TRPM3: variants seen among roughly 807,000 people sequenced by gnomAD.
TRPM3 encodes the protein long transient receptor potential channel 3.
A neutral mutation model predicts 181.2 loss-of-function variants in TRPM3; 77 were observed. That is an observed-to-expected ratio of 0.42 (90% CI 0.35 to 0.51). The LOEUF (loss-of-function observed/expected upper bound fraction) is 0.51. Among genes scored for constraint, TRPM3 ranks in the 20% least tolerant of loss-of-function variants. TRPM3 has a pLI of 0.01. For synonymous variants in TRPM3, 745 were observed against 796.4 expected (o/e 0.94, Z 1.09); for missense variants, 1,759 against 2,196.7 (o/e 0.80, Z 3.98).
At chr9:71,440,358 A>G (rs2094119550) in intron 1 of TRPM3, among the ~76,000 whole-genome samples, 1 of 152,108 alleles carries the variant, frequency 6.6e-6, no homozygotes, top group African/African-American at 2.4e-5. Flanking sequence ...ACTTGCTGTC[A>G]TTGTTGTTAT....
chr9:70,761,330 A>G, intron 8 of TRPM3: 1 of 623,960 alleles, frequency 1.6e-6, no homozygotes, highest in Non-Finnish European at 2.9e-6. Context: ...TATCACTTCA[A>G]CTCATTTTGT....
At chr9:71,295,574 A>G (rs2086194176) in intron 1 of TRPM3, among the ~76,000 whole-genome samples, 1 of 147,700 alleles carries the variant, frequency 6.8e-6, no homozygotes, top group Non-Finnish European at 1.5e-5. Flanking sequence ...TAACAAATGT[A>G]ATCTCAGCAC....
intron 6 of TRPM3, chr9:70,825,202 A>G (rs897265537): frequency 2.0e-5 from 3 of 152,170 alleles, no homozygotes; most frequent in Non-Finnish European, 4.4e-5. Context: ...TGGTCACCCT[A>G]CCACTATTAA....
At chr9:71,079,804 T>C (rs939334211) in intron 1 of TRPM3, among the ~76,000 whole-genome samples, 1 of 152,112 alleles carries the variant, frequency 6.6e-6, no homozygotes, top group African/African-American at 2.4e-5. Flanking sequence ...TATCCTGAAA[T>C]GGACTTTCCG....
chr9:71,046,374 G>T (rs1017768508), intron 1 of TRPM3, among the ~76,000 whole-genome samples: 1 of 152,050 alleles, frequency 6.6e-6, no homozygotes, highest in Non-Finnish European at 1.5e-5. Context: ...GGGAAACATC[G>T]CATGAATAAC....
At chr9:71,076,190 C>T (rs1222411814) in intron 1 of TRPM3, among the ~76,000 whole-genome samples, 1 of 152,150 alleles carries the variant, frequency 6.6e-6, no homozygotes, top group Admixed American at 6.5e-5. Context: ...GGAAATTTTG[C>T]AAGACGGCTG....
At chr9:71,380,516 C>A (rs1331824094) in intron 1 of TRPM3, among the ~76,000 whole-genome samples, 1 of 151,934 alleles carries the variant, frequency 6.6e-6, no homozygotes, top group African/African-American at 2.4e-5. Context: ...GAATCAGTAA[C>A]CAACTCAAGC....
chr9:70,927,503 T>C (rs1564781122), intron 1 of TRPM3, among the ~76,000 whole-genome samples: 1 of 152,222 alleles, frequency 6.6e-6, no homozygotes, highest in African/African-American at 2.4e-5. Context: ...ATTTTATAAA[T>C]TAGAAAAGCA....
In TRPM3 at chr9:70,529,177, C is replaced by T. The variant is rs1295202113; in HGVS notation, c.*6776G>A. 1 of 152,032 alleles carries T rather than the reference C, an allele frequency of 6.6e-6. No individual in the cohort carries two copies. Among genetic ancestry groups the T allele is most frequent in the African/African-American group, 2.4e-5 (1 of 41,378 alleles). The allele number at this position is 152,032 out of a possible 1,614,324, so 9.4% of individuals were successfully genotyped here. On this transcript the variant is annotated 3_prime_UTR_variant, in exon 26 of 26. Coordinates refer to ENST00000677713, the MANE Select transcript of TRPM3 (RefSeq NM_001366145.2). ...GCTCTGAATTGTATATCTAAACAAT[C>T]AAACTCAAAGTGCATTGTGAATCCA...
At chr9:70,743,646 G>A (rs1182412530) in intron 8 of TRPM3, among the ~76,000 whole-genome samples, 1 of 152,016 alleles carries the variant, frequency 6.6e-6, no homozygotes, top group Non-Finnish European at 1.5e-5. Flanking sequence ...AGGGGGCACT[G>A]AGGTCAGCCA....
At chr9:70,631,668 T>C (rs920131139) in intron 12 of TRPM3, among the ~76,000 whole-genome samples, 3 of 152,194 alleles carry the variant, frequency 2.0e-5, no homozygotes, top group African/African-American at 7.2e-5. Context: ...TTCAATGGAT[T>C]TATGCATGAA....
chr9:71,143,041 T>C (rs2075209984), intron 1 of TRPM3, among the ~76,000 whole-genome samples: 1 of 150,880 alleles, frequency 6.6e-6, no homozygotes. Context: ...TTCCGGCTAC[T>C]TGGGAGGCTG....
At chr9:71,226,469 A>C (rs2080664429) in intron 1 of TRPM3, among the ~76,000 whole-genome samples, 1 of 152,194 alleles carries the variant, frequency 6.6e-6, no homozygotes, top group African/African-American at 2.4e-5. Flanking sequence ...GTAGACTGAA[A>C]AAAAGGGATG....
chr9:71,347,223 T>G (rs2091349408), intron 1 of TRPM3, among the ~76,000 whole-genome samples: 1 of 152,208 alleles, frequency 6.6e-6, no homozygotes, highest in African/African-American at 2.4e-5. Flanking sequence ...AGGTTAACCA[T>G]GATAGCAAAT....
chr9:70,636,293 A>G (rs897474048), intron 11 of TRPM3, among the ~76,000 whole-genome samples: 23 of 152,142 alleles, frequency 1.5e-4, no homozygotes, highest in African/African-American at 5.6e-4. Flanking sequence ...ATGTAAAAAA[A>G]AAAAAAAAAT....
intron 9 of TRPM3, among the ~76,000 whole-genome samples, chr9:70,646,454 C>A (rs1007354514): frequency 1.3e-5 from 2 of 152,088 alleles, no homozygotes; most frequent in African/African-American, 4.8e-5. Flanking sequence ...TCATTCTCAG[C>A]AAACTAACAC....
At chr9:71,253,344 T>G (rs2082467478) in intron 1 of TRPM3, among the ~76,000 whole-genome samples, 1 of 152,184 alleles carries the variant, frequency 6.6e-6, no homozygotes, top group Non-Finnish European at 1.5e-5. Context: ...GGAATTTTGC[T>G]TTCCTGGGGG....
At position 70,801,456 on chromosome 9, in the gene TRPM3, G is replaced by A. The variant is rs554236412; in HGVS notation, c.974-17177C>T. Reference sequence around the variant, plus strand: ...TTAGATCATTAAGCAAAGGAAAACAGCAGCAATACAGCAGCACCTGCATAA... The same window carrying A: ...TTAGATCATTAAGCAAAGGAAAACAACAGCAATACAGCAGCACCTGCATAA... On this transcript the variant is annotated intron_variant, in intron 6 of 25. Coordinates refer to ENST00000677713, the MANE Select transcript of TRPM3 (RefSeq NM_001366145.2). 1.2e-4 allele frequency among the ~76,000 whole-genome samples: 18 copies of A among 152,268 alleles called. No homozygotes were observed. The South Asian group carries it at 3.7e-3, about 32-fold the overall frequency.
intron 1 of TRPM3, among the ~76,000 whole-genome samples, chr9:71,420,592 G>T (rs1181109811): frequency 7.3e-6 from 1 of 137,032 alleles, no homozygotes; most frequent in Non-Finnish European, 1.6e-5. Context: ...GAAAGAAAAA[G>T]AGAAAGAGAA....
Sources: gnomAD v4.1 joint callset for allele counts (sites outside exome capture counted in the v4.1 genomes callset) on GRCh38, gnomAD v4.1.1 for gene constraint, MANE v1.5 for transcripts, NCBI Gene and HGNC (gene_info 2026-07-23, HGNC 2026-07-21) for gene names.